SHC3: variants seen among roughly 807,000 people sequenced by gnomAD.
SHC3 encodes SHC adaptor protein 3, also known as SHC-transforming protein 3.
Under a neutral mutation model 60.4 loss-of-function variants are expected in SHC3, and 15 were observed. The observed-to-expected ratio is 0.25, with a 90% CI of 0.17 to 0.38. The LOEUF is 0.38. Among genes scored for constraint, SHC3 ranks in the 10% least tolerant of loss-of-function variants. The pLI, the probability that SHC3 is intolerant of heterozygous loss-of-function variation, is 1.00. For missense variants in SHC3, 677 were observed against 786.1 expected, an observed-to-expected ratio of 0.86 and a Z score of 1.66; for synonymous variants, 294 against 325.9, an observed-to-expected ratio of 0.90 and a Z score of 1.05.
At chr9:89,172,263 G>A (rs1003111325) in intron 1 of SHC3, among the ~76,000 whole-genome samples, 4 of 152,128 alleles carry the variant, frequency 2.6e-5, no homozygotes, top group Admixed American at 1.3e-4. Context: ...CAACTCTGAC[G>A]TGGCCACTCA....
In SHC3 at chr9:89,046,881, C is replaced by G; in HGVS notation, c.1076G>C (p.Arg359Thr). The G allele has an allele frequency of 6.2e-7, 1 of 1,609,806 alleles. No individual in the cohort carries two copies. Among genetic ancestry groups the G allele is most frequent in the Non-Finnish European group, 8.5e-7 (1 of 1,178,198 alleles). ...MPPPGGFLDT[R>T]LKPRPHAPDT... ...AGGAGCATGGGGTCTGGGTTTCAGT[C>G]TAGTATCAAGAAAGCCCCCTGGAGG... The change falls in exon 8 of 12, where the codon AGA becomes ACA. Residue 359 changes from arginine to threonine, a missense_variant. Arg to Thr is a moderately conservative substitution (Grantham distance 71). Coordinates refer to ENST00000375835, the MANE Select transcript of SHC3 (RefSeq NM_016848.6).
chr9:89,178,719 T>G lies in SHC3; in HGVS notation c.-259A>C. 2.8e-6 allele frequency: 1 copy of G among 362,798 alleles called. No individual in the cohort carries two copies. The highest frequency in any genetic ancestry group is 5.0e-6 in the Non-Finnish European group (1 of 201,844). 22.5% of individuals were successfully genotyped at this position (362,798 alleles called of 1,614,324 possible). A position where few individuals can be genotyped will look rare whatever the true frequency, so the allele number is the denominator to read the frequency against. ...ACGTTTGCTTTGCAAAAGTCATAGT[T>G]GCCTCTGATGGAGCGCCCAGCTGCT... On this transcript the variant is annotated 5_prime_UTR_variant, in exon 1 of 12. Transcript: ENST00000375835. This position sits in a 1 kb window ranked among gnomAD's most constrained non-coding sequence, Gnocchi z 6.9.
intron 1 of SHC3, among the ~76,000 whole-genome samples, chr9:89,134,448 C>T (rs1437411728): frequency 6.6e-6 from 1 of 150,928 alleles, no homozygotes; most frequent in East Asian, 1.9e-4. Flanking sequence ...TCTCAGAGCA[C>T]TGATCTGCTC....
At chr9:89,047,651 C>T (rs1164578195) in intron 7 of SHC3, among the ~76,000 whole-genome samples, 1 of 152,170 alleles carries the variant, frequency 6.6e-6, no homozygotes, top group Admixed American at 6.5e-5. Flanking sequence ...TCCTCAACAT[C>T]GTTAGTCATC....
At chr9:89,062,448 T>G (rs951565743) in intron 6 of SHC3, among the ~76,000 whole-genome samples, 10 of 152,238 alleles carry the variant, frequency 6.6e-5, no homozygotes, top group African/African-American at 1.9e-4. Context: ...GTCCTTTCAC[T>G]GGATTAACTA....
intron 6 of SHC3, among the ~76,000 whole-genome samples, chr9:89,060,166 G>A (rs543257800): frequency 1.3e-5 from 2 of 150,474 alleles, no homozygotes; most frequent in African/African-American, 4.9e-5. Flanking sequence ...CGGTGGTGGA[G>A]GATGTGGTGG....
intron 1 of SHC3, among the ~76,000 whole-genome samples, chr9:89,136,815 G>A (rs114780984): frequency 2.0e-5 from 3 of 151,762 alleles, no homozygotes; most frequent in Non-Finnish European, 2.9e-5. Flanking sequence ...ACCACTTTCA[G>A]GTAACAATAT....
At position 89,075,230 on chromosome 9, in the gene SHC3, T is replaced by C. The variant is rs1181920364; in HGVS notation, c.610-2A>G. The C allele has an allele frequency of 6.2e-7, 1 of 1,613,412 alleles. No homozygotes were observed. The highest frequency in any genetic ancestry group is 8.5e-7 in the Non-Finnish European group (1 of 1,179,620). On this transcript the variant is annotated splice_acceptor_variant, in intron 3 of 11. Transcript: ENST00000375835. LOFTEE classifies it high-confidence loss of function. ...GCTGGACAGCATTTTGCTTGGAGGC[T>C]GTGAAATTAAAGAGCATTATTTTAG...
chr9:89,155,473 G>A (rs1274059008), intron 1 of SHC3, among the ~76,000 whole-genome samples: 1 of 152,112 alleles, frequency 6.6e-6, no homozygotes, highest in Non-Finnish European at 1.5e-5. Context: ...CATCCTTACA[G>A]GATGTGCGAG....
intron 1 of SHC3, among the ~76,000 whole-genome samples, chr9:89,174,238 T>TAA (rs1826910672): frequency 6.6e-6 from 1 of 152,200 alleles, no homozygotes; most frequent in Non-Finnish European, 1.5e-5. Flanking sequence ...AAGCAAATGA[T>TAA]TTATACCACC....
chr9:89,155,802 G>A (rs1043042451), intron 1 of SHC3, among the ~76,000 whole-genome samples: 6 of 152,102 alleles, frequency 3.9e-5, no homozygotes, highest in African/African-American at 1.4e-4. Flanking sequence ...TGGCACCTGA[G>A]GGTTCATCTG....
In SHC3 at chr9:89,007,382, T is replaced by G. The variant is rs1327794148; in HGVS notation, c.*6065A>C. 1 of 152,274 alleles carries G rather than the reference T, an allele frequency of 6.6e-6. No homozygotes were observed. Among genetic ancestry groups the G allele is most frequent in the South Asian group, 2.1e-4 (1 of 4,836 alleles). 9.4% of individuals were successfully genotyped at this position (152,274 alleles called of 1,614,324 possible). ...TTGGACACACGGGTACCTTAAGGCT[T>G]GTCACACTCCAACACCTTTGTGTGT... On this transcript the variant is annotated 3_prime_UTR_variant, in exon 12 of 12. Transcript: ENST00000375835.
At chr9:89,112,656 C>T (rs1825967085) in intron 1 of SHC3, 30 bp from the exon 2 acceptor site, 1 of 1,560,694 alleles carries the variant, frequency 6.4e-7, no homozygotes. Context: ...AAATCGTGAG[C>T]CCTGAGATTT....
intron 1 of SHC3, among the ~76,000 whole-genome samples, chr9:89,167,904 G>C (rs1826813232): frequency 6.6e-6 from 1 of 152,194 alleles, no homozygotes. Context: ...ATCAATGTAA[G>C]GTGGCTACAT....
chr9:89,076,339 T>G (rs1428069536), intron 3 of SHC3, among the ~76,000 whole-genome samples: 1 of 152,056 alleles, frequency 6.6e-6, no homozygotes, highest in Admixed American at 6.5e-5. Flanking sequence ...GTCCCCAAGC[T>G]CTGAAGACAG....
chr9:89,145,778 G>T (rs923171781), intron 1 of SHC3, among the ~76,000 whole-genome samples: 1 of 152,056 alleles, frequency 6.6e-6, no homozygotes, highest in African/African-American at 2.4e-5. Context: ...TAAAGTCCTC[G>T]GGAATAGGGG....
At chr9:89,157,712 T>C (rs1826645454) in intron 1 of SHC3, among the ~76,000 whole-genome samples, 1 of 152,102 alleles carries the variant, frequency 6.6e-6, no homozygotes, top group Non-Finnish European at 1.5e-5. Flanking sequence ...AACTCCCAAG[T>C]TCAAGTGCTC....
At chr9:89,126,030 T>C (rs535738497) in intron 1 of SHC3, among the ~76,000 whole-genome samples, 3 of 152,308 alleles carry the variant, frequency 2.0e-5, no homozygotes, top group African/African-American at 7.2e-5. Flanking sequence ...GAACCCTCTC[T>C]TGGGATCTGG....
intron 2 of SHC3, among the ~76,000 whole-genome samples, chr9:89,097,887 G>T (rs1825728722): frequency 6.6e-6 from 1 of 152,204 alleles, no homozygotes; most frequent in Non-Finnish European, 1.5e-5. Context: ...ATGAGAAAAT[G>T]CTTATGATTG....
Sources: allele counts gnomAD v4.1 joint callset (sites outside exome capture counted in the v4.1 genomes callset), GRCh38; gene constraint gnomAD v4.1.1; non-coding constraint Gnocchi (gnomAD v3.1); transcripts MANE v1.5; gene names NCBI Gene and HGNC (gene_info 2026-07-23, HGNC 2026-07-21).